DNAAF5: variants seen among roughly 807,000 people sequenced by gnomAD.
The protein encoded by DNAAF5 is dynein axonemal assembly factor 5.
A neutral mutation model predicts 75.8 loss-of-function variants in DNAAF5; 64 were observed. The observed-to-expected ratio is 0.84, with a 90% CI of 0.69 to 1.04. The LOEUF (loss-of-function observed/expected upper bound fraction) is 1.04. Ranked by LOEUF, DNAAF5 falls within the 50% of genes least tolerant of loss-of-function variation. The pLI, the probability that DNAAF5 is intolerant of heterozygous loss-of-function variation, is 0.00. For synonymous variants in DNAAF5, 657 were observed against 557.2 expected, an observed-to-expected ratio of 1.18 and a Z score of -2.52; for missense variants, 1,269 against 1,178.5, an observed-to-expected ratio of 1.08 and a Z score of -1.12.
At chr7:767,094 C>T (rs918100366) in intron 8 of DNAAF5, among the ~76,000 whole-genome samples, 1 of 152,072 alleles carries the variant, frequency 6.6e-6, no homozygotes, top group Non-Finnish European at 1.5e-5. Flanking sequence ...AAAAAATTAG[C>T]TGGGTGCGGT....
intron 9 of DNAAF5, among the ~76,000 whole-genome samples, chr7:773,776 C>T (rs553625160): frequency 2.0e-5 from 3 of 152,230 alleles, no homozygotes; most frequent in South Asian, 2.1e-4. Context: ...CGGCCCAGGG[C>T]CTCTGGCTCG....
chr7:742,952 C>T (rs1361892354), intron 4 of DNAAF5, among the ~76,000 whole-genome samples: 2 of 152,258 alleles, frequency 1.3e-5, no homozygotes. Context: ...AAATCAGATG[C>T]CCTGAGAGAT....
At chr7:761,522 G>A (rs902830774) in intron 6 of DNAAF5, among the ~76,000 whole-genome samples, 13 of 152,238 alleles carry the variant, frequency 8.5e-5, no homozygotes, top group African/African-American at 2.4e-4. Flanking sequence ...CTTACGTGGC[G>A]GCAGGCGAGA....
chr7:761,757 T>C lies in DNAAF5; in HGVS notation c.1475T>C (p.Leu492Pro). 6.2e-7 allele frequency: 1 copy of C among 1,603,418 alleles called. No homozygotes were observed. The highest frequency in any genetic ancestry group is 1.1e-5 in the South Asian group (1 of 88,874). The change falls in exon 7 of 13, where the codon CTC becomes CCC. Residue 492 changes from leucine (L) to proline (P), a missense_variant. Transcript: ENST00000297440. ...GGTGCTGCCGGTCTCTTCCAGGACCTCTACCTGGAGCGCCTGCTGCTGTGT... is the reference window on the plus strand; with the variant it reads ...GGTGCTGCCGGTCTCTTCCAGGACCCCTACCTGGAGCGCCTGCTGCTGTGT... ...AHICQASEND[L>P]YLERLLLCVQ...
chr7:732,536 A>C (rs767668163), intron 2 of DNAAF5: 1 of 456,098 alleles, frequency 2.2e-6, no homozygotes, highest in African/African-American at 2.0e-5. Flanking sequence ...ACCTTCCGGG[A>C]GCAACAGATG....
chr7:760,167 G>C (rs1259908799), intron 6 of DNAAF5, among the ~76,000 whole-genome samples: 2 of 152,174 alleles, frequency 1.3e-5, no homozygotes, highest in African/African-American at 2.4e-5. Flanking sequence ...CTGTGGGTCA[G>C]GGCGGGGCCG....
In DNAAF5 at chr7:726,860, G is replaced by A; in HGVS notation, c.140G>A (p.Arg47Gln). Reference sequence around the variant, plus strand: ...GAGGCCGACAGCAAGCCGGGCCGGCGGCGCGCCTTGGAGGCCCTGCGGCGC... The same window carrying A: ...GAGGCCGACAGCAAGCCGGGCCGGCAGCGCGCCTTGGAGGCCCTGCGGCGC... ...GLEADSKPGR[R>Q]RALEALRRAL... is the part of the protein sequence containing the mutation. The change falls in exon 1 of 13, where the codon CGG becomes CAG. Residue 47 changes from arginine to glutamine, a missense_variant. Arg to Gln is a conservative substitution (Grantham distance 43). Transcript: ENST00000297440. The A allele has an allele frequency of 1.5e-6, 2 of 1,317,042 alleles. No individual in the cohort carries two copies. The highest frequency in any genetic ancestry group is 2.0e-5 in the South Asian group (1 of 49,214). 81.6% of individuals were successfully genotyped at this position (1,317,042 alleles called of 1,614,324 possible). A position where few individuals can be genotyped will look rare whatever the true frequency, so the allele number is the denominator to read the frequency against.
At chr7:772,449 G>T (rs1382532671) in intron 9 of DNAAF5, 2 of 152,292 alleles carry the variant, frequency 1.3e-5, no homozygotes, top group African/African-American at 4.8e-5. Flanking sequence ...CTCCAGAGAA[G>T]TGGCTGCGAG....
chr7:781,517 C>T (rs1202004665), intron 12 of DNAAF5, among the ~76,000 whole-genome samples: 1 of 152,210 alleles, frequency 6.6e-6, no homozygotes, highest in Non-Finnish European at 1.5e-5. Context: ...GAATTCCTCT[C>T]TTTTGGGTAT....
intron 2 of DNAAF5, among the ~76,000 whole-genome samples, chr7:733,224 G>A (rs1781638242): frequency 6.6e-6 from 1 of 152,142 alleles, no homozygotes; most frequent in African/African-American, 2.4e-5. Flanking sequence ...GATCCCTCCA[G>A]TTTTTTGTTT....
At chr7:775,274 C>A in intron 11 of DNAAF5, 112 bp downstream of exon 11, 1 of 999,834 alleles carries the variant, frequency 1.0e-6, no homozygotes, top group Non-Finnish European at 1.5e-6. Context: ...CTATCTCGGG[C>A]TGGGTGTGGT....
At chr7:735,783 T>C (rs1781725004) in intron 2 of DNAAF5, among the ~76,000 whole-genome samples, 1 of 152,152 alleles carries the variant, frequency 6.6e-6, no homozygotes, top group Admixed American at 6.5e-5. Flanking sequence ...TCAATTTCAT[T>C]TATTTCTGCT....
intron 12 of DNAAF5, among the ~76,000 whole-genome samples, chr7:782,359 G>A (rs76475351): frequency 2.0e-5 from 3 of 150,240 alleles, no homozygotes; most frequent in Non-Finnish European, 4.4e-5. Context: ...CGGCGTGGCC[G>A]CCTCCCGTCA....
At chr7:729,875 G>C (rs776036439) in intron 2 of DNAAF5, 28 bp downstream of exon 2, 1 of 1,610,148 alleles carries the variant, frequency 6.2e-7, no homozygotes, top group Non-Finnish European at 8.5e-7. Context: ...TGGACAGTCT[G>C]TTCCTCTCTC....
intron 2 of DNAAF5, among the ~76,000 whole-genome samples, chr7:740,544 T>C (rs973667637): frequency 7.9e-5 from 12 of 152,170 alleles, no homozygotes; most frequent in African/African-American, 1.4e-4. Flanking sequence ...GCACGGGGTA[T>C]GTGTGTGTGA....
chr7:726,970 T>G lies in DNAAF5; in HGVS notation c.250T>G (p.Cys84Gly). The change falls in exon 1 of 13, where the codon TGC becomes GGC. Residue 84 changes from cysteine to glycine, a missense_variant. Transcript: ENST00000297440. ...ARLLLPRLLR[C>G]LSDPAEGCRA... ...CCTACTGCTGCCGCGCTTGCTGCGC[T>G]GCCTGAGCGACCCCGCCGAGGGCTG... 1 of 1,308,876 alleles carries G rather than the reference T, an allele frequency of 7.6e-7. No homozygotes were observed. Among genetic ancestry groups the G allele is most frequent in the South Asian group, 1.8e-5 (1 of 54,330 alleles). The allele number at this position is 1,308,876 out of a possible 1,614,324, so 81.1% of individuals were successfully genotyped here. A position where few individuals can be genotyped will look rare whatever the true frequency, so the allele number is the denominator to read the frequency against.
chr7:752,583 G>C (rs112806356), intron 4 of DNAAF5, among the ~76,000 whole-genome samples: 3 of 137,288 alleles, frequency 2.2e-5, no homozygotes, highest in East Asian at 2.2e-4. Flanking sequence ...AAGCCTTCGT[G>C]ACCGCGGGCC....
At chr7:734,321 T>C (rs1000705753) in intron 2 of DNAAF5, among the ~76,000 whole-genome samples, 27 of 152,234 alleles carry the variant, frequency 1.8e-4, no homozygotes, top group African/African-American at 6.0e-4. Flanking sequence ...ATGTTGAATT[T>C]TATCAATACT....
rs1284098883 is a variant in DNAAF5, at chr7:785,704, T to C, written c.*51T>C. 6.3e-7 allele frequency: 1 copy of C among 1,594,884 alleles called. No individual in the cohort carries two copies. Among genetic ancestry groups the C allele is most frequent in the Non-Finnish European group, 8.5e-7 (1 of 1,170,076 alleles). ...CCCTTGTCCCCACCTGAGCCAGAGTTTGTGGCCTTTAAATCTCATAAACAA... is the reference window on the plus strand; with the variant it reads ...CCCTTGTCCCCACCTGAGCCAGAGTCTGTGGCCTTTAAATCTCATAAACAA... On this transcript the variant is annotated 3_prime_UTR_variant, in exon 13 of 13. Transcript: ENST00000297440.
Sources: gnomAD v4.1 joint callset for allele counts (sites outside exome capture counted in the v4.1 genomes callset) on GRCh38, gnomAD v4.1.1 for gene constraint, MANE v1.5 for transcripts, NCBI Gene and HGNC (gene_info 2026-07-23, HGNC 2026-07-21) for gene names.